The following CSMD2 variants were observed in gnomAD, a reference collection of about 807,000 sequenced individuals.
CSMD2 encodes CUB and sushi domain-containing protein 2.
CSMD2 carries 130 observed loss-of-function variants against 398.5 expected under a neutral mutation model. The ratio of observed to expected loss-of-function variants is 0.33; its 90% CI spans 0.28 to 0.38. The LOEUF (loss-of-function observed/expected upper bound fraction) is 0.38. Ranked by LOEUF, CSMD2 falls within the 10% of genes least tolerant of loss-of-function variation. CSMD2 has a pLI of 1.00. For synonymous variants in CSMD2, 1,828 were observed against 1,908.5 expected, an observed-to-expected ratio of 0.96 and a Z score of 1.10; for missense variants, 3,829 against 4,764.9, an observed-to-expected ratio of 0.80 and a Z score of 5.78.
At chr1:33,784,232 C>A (rs1653216235) in intron 12 of CSMD2, among the ~76,000 whole-genome samples, 1 of 152,034 alleles carries the variant, frequency 6.6e-6, no homozygotes, top group African/African-American at 2.4e-5. Flanking sequence ...CAGTGGGGAG[C>A]CATGGAGGAG....
intron 4 of CSMD2, among the ~76,000 whole-genome samples, chr1:33,930,434 G>A (rs1446414584): frequency 6.6e-6 from 1 of 152,176 alleles, no homozygotes; most frequent in African/African-American, 2.4e-5. Context: ...CAGAAAATTT[G>A]GAATACAGCT....
rs748356642 is a variant in CSMD2, at chr1:34,163,050, G to T, written c.187+1861C>A. Reference sequence around the variant, plus strand: ...GGGCAGGATTCCAGCACCGCTGAGCGGTGCAAGCGCCGGTGAGTCGGCCTT... The same window carrying T: ...GGGCAGGATTCCAGCACCGCTGAGCTGTGCAAGCGCCGGTGAGTCGGCCTT... On this transcript the variant is annotated intron_variant, in intron 1 of 70. Transcript: ENST00000373381. This position sits in a 1 kb window ranked among gnomAD's most constrained non-coding sequence, Gnocchi z 5.4. Among the ~76,000 whole-genome samples, 3 of 152,220 alleles carry T rather than the reference G, an allele frequency of 2.0e-5. No individual in the cohort carries two copies. Among genetic ancestry groups the T allele is most frequent in the Non-Finnish European group, 4.4e-5 (3 of 68,028 alleles).
chr1:33,967,029 G>T (rs1159040917), intron 3 of CSMD2, among the ~76,000 whole-genome samples: 1 of 152,184 alleles, frequency 6.6e-6, no homozygotes. Context: ...GAAGTTAATA[G>T]GGGCGTGGTA....
At chr1:33,783,791 T>G (rs1202469679) in intron 12 of CSMD2, among the ~76,000 whole-genome samples, 1 of 152,200 alleles carries the variant, frequency 6.6e-6, no homozygotes, top group Admixed American at 6.5e-5. Context: ...AAGTTCTGAC[T>G]CCGGTACCTA....
At chr1:33,738,121 T>C (rs1216994445) in intron 15 of CSMD2, among the ~76,000 whole-genome samples, 2 of 152,144 alleles carry the variant, frequency 1.3e-5, no homozygotes, top group Admixed American at 6.5e-5. Context: ...TTCTTCATTC[T>C]CCTGTCCTTC....
chr1:33,920,864 C>T (rs1236938778), intron 4 of CSMD2, among the ~76,000 whole-genome samples: 1 of 152,196 alleles, frequency 6.6e-6, no homozygotes, highest in African/African-American at 2.4e-5. Flanking sequence ...AACAGTGAGA[C>T]ATAGTCAGAG....
chr1:33,618,782 C>T (rs536203501), intron 37 of CSMD2, among the ~76,000 whole-genome samples: 1 of 152,110 alleles, frequency 6.6e-6, no homozygotes, highest in Admixed American at 6.5e-5. Flanking sequence ...CAGATGAGGA[C>T]ACAGGCCATA....
chr1:33,516,766 A>T (rs1319743736), intron 70 of CSMD2, among the ~76,000 whole-genome samples, 196 bp from the exon 71 acceptor site: 1 of 152,222 alleles, frequency 6.6e-6, no homozygotes, highest in Non-Finnish European at 1.5e-5. Context: ...GAATACGTGC[A>T]GCAGAACATG....
intron 3 of CSMD2, among the ~76,000 whole-genome samples, chr1:33,977,325 G>C (rs1646003449): frequency 6.6e-6 from 1 of 151,990 alleles, no homozygotes; most frequent in Non-Finnish European, 1.5e-5. Context: ...TCAACCTCAT[G>C]AATGTTCAGA....
chr1:34,067,303 T>A (rs545347729), intron 2 of CSMD2, among the ~76,000 whole-genome samples: 87 of 152,296 alleles, frequency 5.7e-4, no homozygotes, highest in Admixed American at 2.2e-3. Context: ...TAAACAGACA[T>A]GGGCACAGAT....
Position 33,520,995 on chromosome 1 carries a change from G to T in CSMD2, c.10597+468C>A, listed in dbSNP as rs146739738. On this transcript the variant is annotated intron_variant, in intron 68 of 70. Coordinates refer to ENST00000373381, the MANE Select transcript of CSMD2 (RefSeq NM_001281956.2). ...AAAGAGGCCAGGGAAGGACCAGGGA[G>T]GGAAGTGGCCTTAATGCTCAGTTTT... Among the ~76,000 whole-genome samples, 35 of 152,336 alleles carry T rather than the reference G, an allele frequency of 2.3e-4. No individual in the cohort carries two copies. The East Asian group carries it at 6.4e-3, about 28-fold the overall frequency.
intron 3 of CSMD2, among the ~76,000 whole-genome samples, chr1:33,970,852 G>T (rs1645735401): frequency 6.6e-6 from 1 of 152,206 alleles, no homozygotes; most frequent in Non-Finnish European, 1.5e-5. Flanking sequence ...ACCCCTGAAT[G>T]TGTGCTCTGT....
intron 12 of CSMD2, among the ~76,000 whole-genome samples, chr1:33,788,116 CT>C (rs1653753936): frequency 6.6e-6 from 1 of 152,034 alleles, no homozygotes; most frequent in Non-Finnish European, 1.5e-5. Context: ...CCAGATAATC[CT>C]CAAAACAACC....
chr1:33,684,746 C>G (rs1222404646), intron 25 of CSMD2, among the ~76,000 whole-genome samples: 1 of 152,234 alleles, frequency 6.6e-6, no homozygotes. Context: ...GCATGGTGAG[C>G]TCCTACTGTT....
rs150993346 is a variant in CSMD2, at chr1:34,068,878, A to T, written c.404+20099T>A. 6.0e-4 allele frequency among the ~76,000 whole-genome samples: 91 copies of T among 152,298 alleles called. 1 individual carries two copies. Among genetic ancestry groups the T allele is most frequent in the South Asian group, 3.9e-3 (19 of 4,826 alleles). ...GCTTGCTCTTTGCCTGCTGCCATCC[A>T]TGTAAGATGTGACTTGCTCCTCCTT... On this transcript the variant is annotated intron_variant, in intron 2 of 70. Transcript: ENST00000373381.
At chr1:34,022,131 T>G (rs1236540096) in intron 3 of CSMD2, among the ~76,000 whole-genome samples, 1 of 152,202 alleles carries the variant, frequency 6.6e-6, no homozygotes, top group African/African-American at 2.4e-5. Flanking sequence ...ATTCACTTGT[T>G]TAATCGGTAT....
chr1:33,946,620 CTTTT>C (rs756819198), intron 3 of CSMD2, among the ~76,000 whole-genome samples: 1 of 144,998 alleles, frequency 6.9e-6, no homozygotes, highest in Non-Finnish European at 1.5e-5. Context: ...CATCTGACAA[CTTTT>C]TTTTTTTTTT....
At chr1:34,134,657 A>C (rs571925949) in intron 1 of CSMD2, among the ~76,000 whole-genome samples, 2 of 152,310 alleles carry the variant, frequency 1.3e-5, no homozygotes, top group East Asian at 1.9e-4. Context: ...CAAACTGCAA[A>C]AAAGATTTGC....
At chr1:33,656,268 A>G (rs1225135314) in intron 27 of CSMD2, among the ~76,000 whole-genome samples, 10 of 152,152 alleles carry the variant, frequency 6.6e-5, no homozygotes, top group Non-Finnish European at 1.3e-4. Flanking sequence ...AGATAAGGAA[A>G]CTCAGGCTCA....
Sources: gnomAD v4.1 joint callset for allele counts (sites outside exome capture counted in the v4.1 genomes callset) on GRCh38, gnomAD v4.1.1 for gene constraint, Gnocchi (gnomAD v3.1) non-coding constraint, MANE v1.5 for transcripts, NCBI Gene and HGNC (gene_info 2026-07-23, HGNC 2026-07-21) for gene names.